The following ALCAM variants were observed in gnomAD, a reference collection of about 807,000 sequenced individuals.
ALCAM encodes CD166 antigen.
Under a neutral mutation model 70.9 loss-of-function variants are expected in ALCAM, and 30 were observed. That is an observed-to-expected ratio of 0.42 (90% CI 0.32 to 0.57). ALCAM has a LOEUF of 0.57. ALCAM is among the 20% of genes least tolerant of loss of function. The pLI is 0.11. For synonymous variants in ALCAM, 249 were observed against 242.5 expected (o/e 1.03, Z -0.25); for missense variants, 591 against 695.1 (o/e 0.85, Z 1.68).
At chr3:105,461,283 TG>T (rs1456745350) in intron 1 of ALCAM, among the ~76,000 whole-genome samples, 2 of 151,842 alleles carry the variant, frequency 1.3e-5, no homozygotes, top group Admixed American at 1.3e-4. Context: ...ACTATATTTT[TG>T]TTCGTTCAAT....
chr3:105,367,455 T>A lies in ALCAM; in HGVS notation c.47T>A (p.Leu16Ter). The A allele has an allele frequency of 6.2e-7, 1 of 1,613,986 alleles. No homozygotes were observed. The highest frequency in any genetic ancestry group is 8.5e-7 in the Non-Finnish European group (1 of 1,179,932). The stretch of plus-strand genomic sequence containing the variant: ...TCCTGCCGTCTGCTCTTCTGCCTCT[T>A]GATCTCCGCCACCGTCTTCAGGCCA... The part of the protein sequence containing the change: ...ASSCRLLFCL[L>*]ISATVFRPGL... Residue 16 changes from leucine (L) to a stop codon, truncating the protein, a stop_gained, in exon 1 of 16, where the codon TTG (leucine) becomes TAG (stop). Transcript: ENST00000306107. LOFTEE classifies it high-confidence loss of function.
At chr3:105,369,594 G>C (rs1413295652) in intron 1 of ALCAM, among the ~76,000 whole-genome samples, 1 of 152,228 alleles carries the variant, frequency 6.6e-6, no homozygotes, top group South Asian at 2.1e-4. Context: ...CAGTAAGTGC[G>C]CCTTCTTCGG....
At chr3:105,563,663 ATTTCTT>A (rs1940677626) in intron 14 of ALCAM, among the ~76,000 whole-genome samples, 2 of 72,568 alleles carry the variant, frequency 2.8e-5, no homozygotes, top group East Asian at 3.8e-4. Flanking sequence ...AATTCCAAGC[ATTTCTT>A]TTTTTTTTTT....
At chr3:105,427,982 T>C (rs1936833103) in intron 1 of ALCAM, among the ~76,000 whole-genome samples, 1 of 151,914 alleles carries the variant, frequency 6.6e-6, no homozygotes, top group African/African-American at 2.4e-5. Flanking sequence ...TAATATATAT[T>C]TGGCTCCTAC....
At chr3:105,501,135 C>A (rs1303341178) in intron 1 of ALCAM, among the ~76,000 whole-genome samples, 1 of 152,192 alleles carries the variant, frequency 6.6e-6, no homozygotes, top group Admixed American at 6.5e-5. Context: ...TGGGCGAGTG[C>A]TTCGAAGGCT....
At chr3:105,488,396 A>G (rs969322415) in intron 1 of ALCAM, among the ~76,000 whole-genome samples, 1 of 152,188 alleles carries the variant, frequency 6.6e-6, no homozygotes, top group Non-Finnish European at 1.5e-5. Context: ...AATGGAGACC[A>G]GGAGAGCTCC....
At chr3:105,540,256 C>T (rs963484771) in intron 7 of ALCAM, among the ~76,000 whole-genome samples, 154 bp downstream of exon 7, 1 of 151,948 alleles carries the variant, frequency 6.6e-6, no homozygotes, top group Non-Finnish European at 1.5e-5. Flanking sequence ...GCACCTGCCA[C>T]TGTTCTTGCC....
intron 1 of ALCAM, among the ~76,000 whole-genome samples, chr3:105,457,387 C>T (rs900551498): frequency 6.6e-6 from 1 of 151,866 alleles, no homozygotes; most frequent in Non-Finnish European, 1.5e-5. Context: ...GAGGGGAACA[C>T]TCTGGGCCTA....
intron 14 of ALCAM, among the ~76,000 whole-genome samples, chr3:105,569,596 G>T (rs965230642): frequency 6.6e-6 from 1 of 152,134 alleles, no homozygotes; most frequent in Non-Finnish European, 1.5e-5. Flanking sequence ...ATATATTAAG[G>T]AACAGTGGAA....
intron 1 of ALCAM, among the ~76,000 whole-genome samples, chr3:105,517,256 A>G (rs879632326): frequency 5.9e-5 from 9 of 152,110 alleles, no homozygotes; most frequent in Non-Finnish European, 1.3e-4. Flanking sequence ...GTTGATTATT[A>G]TAGCAAACTT....
At chr3:105,399,874 C>A (rs1936046022) in intron 1 of ALCAM, among the ~76,000 whole-genome samples, 2 of 152,164 alleles carry the variant, frequency 1.3e-5, no homozygotes, top group Non-Finnish European at 1.5e-5. Context: ...TTCTTACCCA[C>A]TGGCTAAGAT....
chr3:105,415,783 T>A (rs895634979), intron 1 of ALCAM, among the ~76,000 whole-genome samples: 11 of 152,120 alleles, frequency 7.2e-5, no homozygotes, highest in Non-Finnish European at 1.2e-4. Flanking sequence ...GATGCAACCA[T>A]AAATGAATAT....
At chr3:105,533,401 A>G (rs1576226370) in intron 4 of ALCAM, among the ~76,000 whole-genome samples, 1 of 152,150 alleles carries the variant, frequency 6.6e-6, no homozygotes, top group African/African-American at 2.4e-5. Context: ...TCAAAAGTAT[A>G]TTTTCAAATA....
At chr3:105,393,565 C>T (rs1935876602) in intron 1 of ALCAM, among the ~76,000 whole-genome samples, 1 of 151,912 alleles carries the variant, frequency 6.6e-6, no homozygotes, top group Non-Finnish European at 1.5e-5. Context: ...TAGACCACAA[C>T]CAAATTAATT....
Position 105,406,478 on chromosome 3 carries a change from C to T in ALCAM, c.73+38997C>T, listed in dbSNP as rs113078234. Reference sequence around the variant, plus strand: ...CTTAACCACTCAGTCAATACTGAAACAGCTGTTAGTGAGAGCTGACCTACC... The same window carrying T: ...CTTAACCACTCAGTCAATACTGAAATAGCTGTTAGTGAGAGCTGACCTACC... On this transcript the variant is annotated intron_variant, in intron 1 of 15. Coordinates refer to ENST00000306107, the MANE Select transcript of ALCAM (RefSeq NM_001627.4). Among the ~76,000 whole-genome samples, 458 of 152,170 alleles carry T rather than the reference C, an allele frequency of 3.0e-3. 4 individuals carry two copies. The highest frequency in any genetic ancestry group is 0.011 in the African/African-American group (440 of 41,536).
intron 1 of ALCAM, among the ~76,000 whole-genome samples, chr3:105,378,468 T>G (rs1935432857): frequency 6.6e-6 from 1 of 151,838 alleles, no homozygotes; most frequent in Non-Finnish European, 1.5e-5. Context: ...GATTTTAAGG[T>G]ATAGGTTTTA....
chr3:105,468,735 G>T (rs1287964962), intron 1 of ALCAM, among the ~76,000 whole-genome samples: 1 of 151,310 alleles, frequency 6.6e-6, no homozygotes, highest in African/African-American at 2.4e-5. Context: ...GTTCAGTTTT[G>T]TGGTGTGTTT....
At chr3:105,552,944 A>G (rs2152632284) in intron 14 of ALCAM, 2 of 1,066,874 alleles carry the variant, frequency 1.9e-6, no homozygotes, top group Middle Eastern at 9.0e-4. Context: ...AGTACCTAGT[A>G]CATCTTGTAG....
intron 1 of ALCAM, among the ~76,000 whole-genome samples, chr3:105,517,961 T>G (rs546417825): frequency 6.6e-6 from 1 of 152,220 alleles, no homozygotes; most frequent in South Asian, 2.1e-4. Context: ...GATTGTGCTT[T>G]CATCATGCCA....
Sources: allele counts gnomAD v4.1 joint callset (sites outside exome capture counted in the v4.1 genomes callset), GRCh38; gene constraint gnomAD v4.1.1; transcripts MANE v1.5; gene names NCBI Gene and HGNC (gene_info 2026-07-23, HGNC 2026-07-21).